The following SV2C variants were observed in gnomAD, a reference collection of about 807,000 sequenced individuals.
SV2C encodes the protein solute carrier family 22 member B3.
SV2C carries 49 observed loss-of-function variants against 79.7 expected under a neutral mutation model. The observed-to-expected ratio is 0.61, with a 90% CI of 0.49 to 0.78. The LOEUF (loss-of-function observed/expected upper bound fraction) is 0.78, where lower values mean the gene tolerates loss of function less well. Ranked by LOEUF, SV2C falls within the 30% of genes least tolerant of loss-of-function variation. The pLI is 0.00. For synonymous variants in SV2C, 334 were observed against 333.2 expected (o/e 1.00, Z -0.03); for missense variants, 833 against 912.9 (o/e 0.91, Z 1.13).
chr5:76,257,155 A>G (rs964804753), intron 4 of SV2C, among the ~76,000 whole-genome samples: 2 of 152,182 alleles, frequency 1.3e-5, no homozygotes, highest in Non-Finnish European at 2.9e-5. Flanking sequence ...TGATGTTCCT[A>G]CTTATTAATC....
At chr5:75,861,258 A>G in the SV2C span, among the ~76,000 whole-genome samples, 10,829 of 152,218 alleles carry the variant, frequency 0.071, 861 homozygotes, top group African/African-American at 0.2. Flanking sequence ...ACATTCAAAT[A>G]TAAACACTAT....
chr5:76,001,597 A>T, the SV2C span, among the ~76,000 whole-genome samples: 2 of 151,874 alleles, frequency 1.3e-5, no homozygotes, highest in African/African-American at 4.8e-5. Flanking sequence ...TCAGAAAAAA[A>T]AAAATCTTTT....
the SV2C span, among the ~76,000 whole-genome samples, chr5:75,860,461 AT>A: frequency 6.6e-6 from 1 of 152,220 alleles, no homozygotes; most frequent in African/African-American, 2.4e-5. Flanking sequence ...ATGGAAAAAC[AT>A]TTTATGATCA....
At chr5:76,259,675 A>C (rs1414356447) in intron 4 of SV2C, among the ~76,000 whole-genome samples, 1 of 147,070 alleles carries the variant, frequency 6.8e-6, no homozygotes, top group Non-Finnish European at 1.5e-5. Context: ...TTCACCTCCC[A>C]CTTATGAGTG....
At chr5:76,079,352 T>C, upstream of SV2C, 1 of 307,442 alleles carries the variant, frequency 3.3e-6, no homozygotes, top group Non-Finnish European at 6.6e-6. Context: ...GATTGATGGA[T>C]GTAAGAAATA....
At chr5:76,255,506 A>G (rs1035559872) in intron 4 of SV2C, among the ~76,000 whole-genome samples, 1 of 152,162 alleles carries the variant, frequency 6.6e-6, no homozygotes, top group African/African-American at 2.4e-5. Flanking sequence ...TCAGGAATGT[A>G]TCACATTTCC....
the SV2C span, among the ~76,000 whole-genome samples, chr5:76,066,998 T>C: frequency 2.6e-5 from 4 of 152,174 alleles, no homozygotes; most frequent in Non-Finnish European, 5.9e-5. Context: ...GGCTTCAATC[T>C]AGTTTTCTCA....
At position 76,300,826 on chromosome 5, in the gene SV2C, T is replaced by C. The variant is rs768222996; in HGVS notation, c.1734T>C (p.Ser578=). The C allele has an allele frequency of 2.4e-5, 39 of 1,614,086 alleles. 1 individual carries two copies. The Admixed American group carries it at 6.3e-4, about 26-fold the overall frequency. The change falls in exon 11 of 13, where the codon AGT becomes AGC. Residue 578 remains serine, a synonymous_variant. Transcript: ENST00000502798. ...AGATTACCTTTGATGATGACTATAGTGCCTACTGGATTTATTTTGTCAACT... is the reference window on the plus strand; with the variant it reads ...AGATTACCTTTGATGATGACTATAGCGCCTACTGGATTTATTTTGTCAACT... ...GCQITFDDDY[S]AYWIYFVNFL...
intron 1 of SV2C, among the ~76,000 whole-genome samples, chr5:76,108,539 C>T (rs1748001036): frequency 6.6e-6 from 1 of 151,916 alleles, no homozygotes; most frequent in South Asian, 2.1e-4. Flanking sequence ...TATTTAAGCA[C>T]AGGTGTTCTT....
the SV2C span, chr5:75,911,932 G>T: frequency 2.2e-6 from 1 of 447,006 alleles, no homozygotes. Context: ...TCAACCAGAG[G>T]GTATAGGTCA....
rs1278117608 is a variant in SV2C at position 76,130,405 on chromosome 5, G to T, written c.-101-1245G>T. Among the ~76,000 whole-genome samples, 3 of 152,100 alleles carry T rather than the reference G, an allele frequency of 2.0e-5. No homozygotes were observed. In the South Asian group the frequency reaches 6.2e-4, roughly 31 times the overall value. On this transcript the variant is annotated intron_variant, in intron 1 of 12. Transcript: ENST00000502798. ...GTCTTTATTGCTGGGTTTGTTTGTGGCATTTGGAGGAGTAATTAAATGTAT... is the reference window on the plus strand; with the variant it reads ...GTCTTTATTGCTGGGTTTGTTTGTGTCATTTGGAGGAGTAATTAAATGTAT...
At chr5:75,967,317 A>G in the SV2C span, among the ~76,000 whole-genome samples, 1 of 152,172 alleles carries the variant, frequency 6.6e-6, no homozygotes, top group African/African-American at 2.4e-5. Context: ...AGTGCTGGAC[A>G]GTGGGTGCAG....
the SV2C span, among the ~76,000 whole-genome samples, chr5:75,872,103 A>G: frequency 3.3e-3 from 490 of 147,704 alleles, 5 homozygotes; most frequent in African/African-American, 0.012. Flanking sequence ...ATGAATATAT[A>G]TATGGTAGGT....
chr5:75,910,677 C>A, the SV2C span: 3 of 1,206,370 alleles, frequency 2.5e-6, no homozygotes, highest in South Asian at 2.4e-5. Flanking sequence ...AAAGACGAGG[C>A]CAAGACTGCC....
At chr5:76,185,215 C>G (rs564083054) in intron 2 of SV2C, among the ~76,000 whole-genome samples, 7 of 152,350 alleles carry the variant, frequency 4.6e-5, no homozygotes, top group Non-Finnish European at 1.0e-4. Flanking sequence ...GCAGCTCTGC[C>G]CCTGTGGCTT....
the SV2C span, among the ~76,000 whole-genome samples, chr5:75,905,073 T>A: frequency 6.6e-6 from 1 of 152,234 alleles, no homozygotes; most frequent in Admixed American, 6.5e-5. Context: ...TACTTTTAGC[T>A]TCAGTTTAGA....
chr5:76,203,975 C>T (rs1200305625), intron 3 of SV2C, among the ~76,000 whole-genome samples: 1 of 152,198 alleles, frequency 6.6e-6, no homozygotes, highest in East Asian at 1.9e-4. Context: ...TCACTGATAG[C>T]AAACATGTGC....
At chr5:76,079,625 A>C (rs990631451), upstream of SV2C, 2 of 345,970 alleles carry the variant, frequency 5.8e-6, no homozygotes, top group Non-Finnish European at 1.1e-5. Context: ...AAACTGTGTC[A>C]ATCTGACAGA....
At chr5:75,944,517 C>CAA in the SV2C span, among the ~76,000 whole-genome samples, 1 of 151,962 alleles carries the variant, frequency 6.6e-6, no homozygotes, top group African/African-American at 2.4e-5. Flanking sequence ...GGATAGAATA[C>CAA]AAAAAGCAAC....
Sources: allele counts gnomAD v4.1 joint callset (sites outside exome capture counted in the v4.1 genomes callset), GRCh38; gene constraint gnomAD v4.1.1; transcripts MANE v1.5; gene names NCBI Gene and HGNC (gene_info 2026-07-23, HGNC 2026-07-21).